Variants in MAP2K1 observed in about 807,000 individuals in gnomAD.
MAP2K1 encodes the protein dual specificity mitogen-activated protein kinase kinase 1.
A neutral mutation model predicts 46.3 loss-of-function variants in MAP2K1; 16 were observed. The ratio of observed to expected loss-of-function variants is 0.35; its 90% CI spans 0.23 to 0.52. MAP2K1 has a LOEUF of 0.52. Ranked by LOEUF, MAP2K1 falls within the 20% of genes least tolerant of loss-of-function variation. The pLI is 0.94. For missense variants in MAP2K1, 263 were observed against 497.1 expected (o/e 0.53, Z 4.48); for synonymous variants, 183 against 185.6 (o/e 0.99, Z 0.11).
At chr15:66,484,926 TG>T (rs1328421648) in intron 6 of MAP2K1, 63 bp from the exon 7 acceptor site, 2 of 1,303,410 alleles carry the variant, frequency 1.5e-6, no homozygotes, top group Non-Finnish European at 2.2e-6. Context: ...GAAGAGAAAA[TG>T]CATTAGCAGA....
At chr15:66,435,741 T>C (rs1224569227) in intron 2 of MAP2K1, among the ~76,000 whole-genome samples, 1 of 152,200 alleles carries the variant, frequency 6.6e-6, no homozygotes, top group African/African-American at 2.4e-5. Flanking sequence ...AGTGACTCTT[T>C]TTTAGCCTTC....
intron 5 of MAP2K1, among the ~76,000 whole-genome samples, chr15:66,479,779 T>C (rs577413822): frequency 1.1e-4 from 17 of 152,232 alleles, no homozygotes; most frequent in East Asian, 3.9e-4. Context: ...CTGCAGCTGA[T>C]TGGGGCAGAG....
chr15:66,404,872 C>G (rs1449971368), intron 1 of MAP2K1, among the ~76,000 whole-genome samples: 2 of 152,122 alleles, frequency 1.3e-5, no homozygotes, highest in Admixed American at 6.5e-5. Flanking sequence ...GGGAACAATT[C>G]CTGAGCAAGT....
At chr15:66,482,178 A>G (rs1892929918) in intron 6 of MAP2K1, among the ~76,000 whole-genome samples, 1 of 152,164 alleles carries the variant, frequency 6.6e-6, no homozygotes, top group African/African-American at 2.4e-5. Context: ...GGGCATCTCT[A>G]CATGATAGTC....
chr15:66,433,856 A>ACT (rs1378132187), intron 1 of MAP2K1, among the ~76,000 whole-genome samples: 1 of 152,110 alleles, frequency 6.6e-6, no homozygotes, highest in Non-Finnish European at 1.5e-5. Context: ...CACAGTGGAA[A>ACT]CTCTTACCAC....
chr15:66,418,841 T>G (rs963349525), intron 1 of MAP2K1, among the ~76,000 whole-genome samples: 4 of 151,194 alleles, frequency 2.6e-5, no homozygotes, highest in Admixed American at 1.3e-4. Flanking sequence ...AGAGAGAGGG[T>G]TTCAATGTGT....
intron 5 of MAP2K1, among the ~76,000 whole-genome samples, chr15:66,471,795 A>C (rs1162074129): frequency 1.3e-5 from 2 of 152,136 alleles, no homozygotes; most frequent in African/African-American, 4.8e-5. Context: ...AGATGCTGTT[A>C]GTGGCCGGGC....
chr15:66,459,995 T>A (rs1469278068), intron 5 of MAP2K1, among the ~76,000 whole-genome samples: 1 of 152,212 alleles, frequency 6.6e-6, no homozygotes, highest in Non-Finnish European at 1.5e-5. Flanking sequence ...GCATGGTTCC[T>A]ATCTGTGTGT....
At chr15:66,445,335 T>G (rs915812960) in intron 5 of MAP2K1, among the ~76,000 whole-genome samples, 1 of 152,140 alleles carries the variant, frequency 6.6e-6, no homozygotes, top group East Asian at 1.9e-4. Context: ...GAGGCTGTGG[T>G]GAGCCGAGAT....
At chr15:66,394,643 G>T (rs1175855269) in intron 1 of MAP2K1, among the ~76,000 whole-genome samples, 1 of 151,924 alleles carries the variant, frequency 6.6e-6, no homozygotes, top group African/African-American at 2.4e-5. Context: ...TAGAGATAGG[G>T]TCTTGCTGTA....
chr15:66,464,818 G>A (rs1031010640), intron 5 of MAP2K1, among the ~76,000 whole-genome samples: 1 of 151,744 alleles, frequency 6.6e-6, no homozygotes, highest in African/African-American at 2.4e-5. Flanking sequence ...GTGAGCCACC[G>A]TGCCTGGCTG....
intron 2 of MAP2K1, among the ~76,000 whole-genome samples, chr15:66,436,336 C>T (rs989163238): frequency 6.6e-6 from 1 of 152,224 alleles, no homozygotes; most frequent in African/African-American, 2.4e-5. Flanking sequence ...TTAGTCTCAA[C>T]CACATCAGGC....
At chr15:66,471,657 GA>G (rs1892634701) in intron 5 of MAP2K1, among the ~76,000 whole-genome samples, 1 of 45,938 alleles carries the variant, frequency 2.2e-5, no homozygotes, top group African/African-American at 9.6e-5. Flanking sequence ...CAATAAAGAT[GA>G]TTTTTTTTTT....
At chr15:66,400,802 G>T (rs1245201714) in intron 1 of MAP2K1, among the ~76,000 whole-genome samples, 8 of 152,230 alleles carry the variant, frequency 5.3e-5, no homozygotes, top group Admixed American at 5.2e-4. Flanking sequence ...AACTCCCAGG[G>T]GCATCCTGCT....
chr15:66,467,230 G>T (rs577615816), intron 5 of MAP2K1, among the ~76,000 whole-genome samples: 2 of 151,926 alleles, frequency 1.3e-5, no homozygotes, highest in African/African-American at 4.8e-5. Flanking sequence ...GCGAAACTCC[G>T]TCTCAAAAAG....
chr15:66,474,355 T>G (rs1892708272), intron 5 of MAP2K1, among the ~76,000 whole-genome samples: 1 of 152,170 alleles, frequency 6.6e-6, no homozygotes, highest in Non-Finnish European at 1.5e-5. Flanking sequence ...GTTAGCACCT[T>G]TCTTGCAGTT....
chr15:66,406,204 G>A (rs2093396226), intron 1 of MAP2K1, among the ~76,000 whole-genome samples: 1 of 152,196 alleles, frequency 6.6e-6, no homozygotes, highest in Non-Finnish European at 1.5e-5. Context: ...GTCTTATTAT[G>A]GACAAGTTGA....
intron 1 of MAP2K1, among the ~76,000 whole-genome samples, chr15:66,402,620 G>A (rs923630990): frequency 1.3e-5 from 2 of 152,066 alleles, no homozygotes; most frequent in African/African-American, 4.8e-5. Flanking sequence ...TGCGTCCTGA[G>A]TTAATATTTC....
intron 5 of MAP2K1, among the ~76,000 whole-genome samples, chr15:66,463,826 T>C (rs779426816): frequency 6.6e-6 from 1 of 152,160 alleles, no homozygotes; most frequent in South Asian, 2.1e-4. Flanking sequence ...GAGACATCAA[T>C]TAATATACGT....
Sources: allele counts gnomAD v4.1 joint callset (sites outside exome capture counted in the v4.1 genomes callset), GRCh38; gene constraint gnomAD v4.1.1; transcripts MANE v1.5; gene names NCBI Gene and HGNC (gene_info 2026-07-23, HGNC 2026-07-21).